The following ADAMTS12 variants were observed in gnomAD, a reference collection of about 807,000 sequenced individuals.
ADAMTS12 encodes A disintegrin and metalloproteinase with thrombospondin motifs 12.
ADAMTS12 carries 118 observed loss-of-function variants against 167.8 expected under a neutral mutation model. The observed-to-expected ratio is 0.70, with a 90% CI of 0.61 to 0.82. ADAMTS12 has a LOEUF of 0.82. Ranked by LOEUF, ADAMTS12 falls within the 40% of genes least tolerant of loss-of-function variation. The probability of loss-of-function intolerance (pLI) is 0.00; values close to 1 mark genes in which losing one functional copy is unlikely to be tolerated. For synonymous variants in ADAMTS12, 704 were observed against 716.9 expected (o/e 0.98, Z 0.29); for missense variants, 1,916 against 1,998.8 (o/e 0.96, Z 0.79).
At chr5:33,679,841 T>C (rs1742044028) in intron 5 of ADAMTS12, among the ~76,000 whole-genome samples, 1 of 152,282 alleles carries the variant, frequency 6.6e-6, no homozygotes, top group African/African-American at 2.4e-5. Context: ...TTAAGAAAAA[T>C]GGACATGGAG....
chr5:33,700,958 T>A (rs991361705), intron 3 of ADAMTS12, among the ~76,000 whole-genome samples: 2 of 152,142 alleles, frequency 1.3e-5, no homozygotes, highest in Admixed American at 6.5e-5. Context: ...GCAGAGCCAG[T>A]GGTGAACTAC....
At chr5:33,648,731 T>G in intron 9 of ADAMTS12, 91 bp downstream of exon 9, 1 of 1,433,102 alleles carries the variant, frequency 7.0e-7, no homozygotes, top group Non-Finnish European at 9.5e-7. Flanking sequence ...TGTGTCTGGA[T>G]GTTCAGTTAT....
chr5:33,745,569 C>T (rs1403397218), intron 3 of ADAMTS12, among the ~76,000 whole-genome samples: 1 of 152,072 alleles, frequency 6.6e-6, no homozygotes, highest in Non-Finnish European at 1.5e-5. Flanking sequence ...CAGCACAGAG[C>T]ATCCTGGAGG....
intron 3 of ADAMTS12, 57 bp downstream of exon 3, chr5:33,751,347 A>T (rs767807039): frequency 1.2e-6 from 2 of 1,611,626 alleles, no homozygotes; most frequent in Non-Finnish European, 1.7e-6. Context: ...TTTTAATAAA[A>T]CAACCAAAAG....
intron 3 of ADAMTS12, among the ~76,000 whole-genome samples, chr5:33,703,229 A>G (rs978784687): frequency 2.6e-5 from 4 of 152,114 alleles, no homozygotes; most frequent in South Asian, 2.1e-4. Context: ...TCTTTTCTTT[A>G]TAACTGTTTT....
intron 9 of ADAMTS12, among the ~76,000 whole-genome samples, chr5:33,645,148 TTA>T (rs1561191823): frequency 2.5e-4 from 2 of 7,970 alleles, no homozygotes; most frequent in African/African-American, 3.5e-4. Context: ...GCTTTATTTA[TTA>T]TTATTATTAT....
At chr5:33,767,602 G>C (rs1429000202) in intron 2 of ADAMTS12, among the ~76,000 whole-genome samples, 1 of 152,030 alleles carries the variant, frequency 6.6e-6, no homozygotes, top group Admixed American at 6.6e-5. Flanking sequence ...TATACAAATA[G>C]CTTGGATGTT....
At chr5:33,754,660 T>C (rs746664473) in intron 2 of ADAMTS12, among the ~76,000 whole-genome samples, 4 of 152,112 alleles carry the variant, frequency 2.6e-5, no homozygotes, top group Non-Finnish European at 4.4e-5. Context: ...CTGGCCAACA[T>C]GGTGAAACAG....
chr5:33,602,920 A>G (rs922156758), intron 16 of ADAMTS12, among the ~76,000 whole-genome samples: 1 of 152,216 alleles, frequency 6.6e-6, no homozygotes, highest in Non-Finnish European at 1.5e-5. Context: ...GCAGTTTTCA[A>G]TATTTGCTTT....
At chr5:33,669,009 C>T (rs1348994173) in intron 5 of ADAMTS12, among the ~76,000 whole-genome samples, 1 of 152,104 alleles carries the variant, frequency 6.6e-6, no homozygotes, top group Admixed American at 6.6e-5. Flanking sequence ...CAGACTAAAA[C>T]AATAATGAAA....
At chr5:33,809,022 C>T (rs901273355) in intron 2 of ADAMTS12, among the ~76,000 whole-genome samples, 3 of 152,128 alleles carry the variant, frequency 2.0e-5, no homozygotes, top group Non-Finnish European at 4.4e-5. Flanking sequence ...TTCCACATCC[C>T]GCTTCTCTCC....
At chr5:33,581,150 T>C (rs1402404886) in intron 18 of ADAMTS12, among the ~76,000 whole-genome samples, 1 of 152,222 alleles carries the variant, frequency 6.6e-6, no homozygotes, top group Non-Finnish European at 1.5e-5. Flanking sequence ...CGTGTTTATC[T>C]CCTTAGGAGC....
At chr5:33,702,919 G>A (rs533795538) in intron 3 of ADAMTS12, among the ~76,000 whole-genome samples, 2 of 152,268 alleles carry the variant, frequency 1.3e-5, no homozygotes, top group South Asian at 4.1e-4. Flanking sequence ...TCTGTAGATG[G>A]TACCTCAGTG....
At chr5:33,758,742 G>T (rs926293767) in intron 2 of ADAMTS12, among the ~76,000 whole-genome samples, 2 of 152,162 alleles carry the variant, frequency 1.3e-5, no homozygotes, top group African/African-American at 2.4e-5. Context: ...GTCAGACTCA[G>T]GTGATACAGC....
chr5:33,655,862 G>A lies in ADAMTS12; in HGVS notation c.1190+2322C>T, dbSNP rs572667675. On this transcript the variant is annotated intron_variant, in intron 7 of 23. Coordinates refer to ENST00000504830, the MANE Select transcript of ADAMTS12 (RefSeq NM_030955.4). ...GTGATGTTCCCCTCCCTGTGTTCAT[G>A]TGTTCTCACTGTTCAACTCCCACTT... Among the ~76,000 whole-genome samples, 4 of 151,820 alleles carry A rather than the reference G, an allele frequency of 2.6e-5. No homozygotes were observed. In the South Asian group the frequency reaches 8.3e-4, roughly 32 times the overall value.
chr5:33,773,951 C>A (rs755792482), intron 2 of ADAMTS12, among the ~76,000 whole-genome samples: 15 of 152,172 alleles, frequency 9.9e-5, no homozygotes, highest in Non-Finnish European at 1.9e-4. Flanking sequence ...AGTACGTACA[C>A]ACACTGCCAT....
At chr5:33,554,850 C>T (rs147852713) in intron 20 of ADAMTS12, among the ~76,000 whole-genome samples, 36 of 152,192 alleles carry the variant, frequency 2.4e-4, no homozygotes, top group African/African-American at 8.2e-4. Flanking sequence ...TACATGAAAT[C>T]CAAGGCCATA....
Position 33,891,722 on chromosome 5 carries a change from T to A in ADAMTS12, c.127+8A>T. 1 of 1,613,536 alleles carries A rather than the reference T, an allele frequency of 6.2e-7. No homozygotes were observed. The highest frequency in any genetic ancestry group is 8.5e-7 in the Non-Finnish European group (1 of 1,179,898). ...TGTTTTAAAAAGAAATAAAGAAGAG[T>A]CACTAACCTTGCCTCCTGTCCGGGA... On this transcript the variant is annotated splice_region_variant and intron_variant, in intron 1 of 23. Coordinates refer to ENST00000504830, the MANE Select transcript of ADAMTS12 (RefSeq NM_030955.4).
chr5:33,805,103 T>C (rs779507172), intron 2 of ADAMTS12, among the ~76,000 whole-genome samples: 2 of 152,204 alleles, frequency 1.3e-5, no homozygotes, highest in Non-Finnish European at 2.9e-5. Context: ...AAGCATCAGT[T>C]AATTTTAATT....
Sources: gnomAD v4.1 joint callset for allele counts (sites outside exome capture counted in the v4.1 genomes callset) on GRCh38, gnomAD v4.1.1 for gene constraint, MANE v1.5 for transcripts, NCBI Gene and HGNC (gene_info 2026-07-23, HGNC 2026-07-21) for gene names.